Variants in STT3B observed in about 807,000 individuals in gnomAD.
STT3B encodes dolichyl-diphosphooligosaccharide--protein glycosyltransferase subunit STT3B.
Under a neutral mutation model 96.8 loss-of-function variants are expected in STT3B, and 29 were observed. The observed-to-expected ratio is 0.30, with a 90% CI of 0.22 to 0.41. The LOEUF (loss-of-function observed/expected upper bound fraction) is 0.41, where lower values mean the gene tolerates loss of function less well. Among genes scored for constraint, STT3B ranks in the 10% least tolerant of loss-of-function variants. The pLI is 1.00. For missense variants in STT3B, 640 were observed against 1,022.3 expected (o/e 0.63, Z 5.10); for synonymous variants, 367 against 360.0 (o/e 1.02, Z -0.22).
Position 31,617,186 on chromosome 3 carries a change from CTTTTT to C in STT3B, c.1123+122_1123+126del, listed in dbSNP as rs5847707. The C allele has an allele frequency of 4.5e-4, 225 of 495,378 alleles. 1 individual carries two copies. Among genetic ancestry groups the C allele is most frequent in the Non-Finnish European group, 5.7e-4 (182 of 321,582 alleles). The allele number at this position is 495,378 out of a possible 1,614,324, so 30.7% of individuals were successfully genotyped here. A position where few individuals can be genotyped will look rare whatever the true frequency, so the allele number is the denominator to read the frequency against. On this transcript the variant is annotated intron_variant, in intron 7 of 15. Transcript: ENST00000295770. ...AGCATGACTACAAAGTGATTTTTTT[CTTTTT>C]TTTTTTTTTTGAATAGTATATCTTA...
intron 3 of STT3B, among the ~76,000 whole-genome samples, chr3:31,585,447 G>T (rs1698515147): frequency 6.6e-6 from 1 of 152,096 alleles, no homozygotes; most frequent in Admixed American, 6.5e-5. Context: ...AGTAAGAAAT[G>T]AGTACATGTT....
At chr3:31,617,890 A>G in intron 7 of STT3B, 50 bp from the exon 8 acceptor site, 9 of 1,269,096 alleles carry the variant, frequency 7.1e-6, no homozygotes, top group African/African-American at 1.5e-5. Context: ...TAAAAGATTT[A>G]CAAAATAATA....
At chr3:31,544,298 C>T (rs1440893147) in intron 1 of STT3B, among the ~76,000 whole-genome samples, 1 of 152,174 alleles carries the variant, frequency 6.6e-6, no homozygotes, top group Non-Finnish European at 1.5e-5. Flanking sequence ...AATAAAAATA[C>T]TCATTAGGGA....
chr3:31,605,442 G>A (rs1250933531), intron 5 of STT3B, among the ~76,000 whole-genome samples: 1 of 152,070 alleles, frequency 6.6e-6, no homozygotes, highest in Non-Finnish European at 1.5e-5. Context: ...GTTGTGGGAG[G>A]AACCCAGTGG....
intron 1 of STT3B, among the ~76,000 whole-genome samples, chr3:31,566,011 A>C (rs1043316913): frequency 1.3e-5 from 2 of 152,158 alleles, no homozygotes; most frequent in Non-Finnish European, 2.9e-5. Context: ...ATTGTTTTCA[A>C]ATACTTGTTT....
chr3:31,635,742 C>G (rs564292186), intron 15 of STT3B, among the ~76,000 whole-genome samples: 3 of 152,164 alleles, frequency 2.0e-5, no homozygotes, highest in Non-Finnish European at 4.4e-5. Context: ...GCTGAAGATT[C>G]ATTCACTTGA....
intron 1 of STT3B, among the ~76,000 whole-genome samples, chr3:31,563,009 T>A (rs1335525958): frequency 6.6e-6 from 1 of 152,186 alleles, no homozygotes; most frequent in Non-Finnish European, 1.5e-5. Flanking sequence ...GTGGTTCCAG[T>A]GGGAATGTAG....
intron 5 of STT3B, among the ~76,000 whole-genome samples, chr3:31,606,220 A>G (rs1699050837): frequency 6.6e-6 from 1 of 152,232 alleles, no homozygotes; most frequent in Admixed American, 6.5e-5. Flanking sequence ...GCAATAGAAA[A>G]GCAGAACCCA....
At chr3:31,615,644 G>A (rs1325774895) in intron 6 of STT3B, among the ~76,000 whole-genome samples, 1 of 151,818 alleles carries the variant, frequency 6.6e-6, no homozygotes, top group Non-Finnish European at 1.5e-5. Flanking sequence ...GTAGTAATTT[G>A]AGACGCAGAG....
chr3:31,571,105 A>G (rs1354157049), intron 1 of STT3B, among the ~76,000 whole-genome samples: 1 of 152,142 alleles, frequency 6.6e-6, no homozygotes, highest in Admixed American at 6.5e-5. Context: ...GTATTTGTCA[A>G]CTAGGAAGAA....
chr3:31,629,764 G>C (rs1012609374), intron 14 of STT3B, among the ~76,000 whole-genome samples: 2 of 152,146 alleles, frequency 1.3e-5, no homozygotes, highest in African/African-American at 4.8e-5. Flanking sequence ...TTGCTGCTTG[G>C]TGGAGAAAAG....
intron 1 of STT3B, among the ~76,000 whole-genome samples, chr3:31,570,531 G>T (rs1046382484): frequency 6.6e-6 from 1 of 152,156 alleles, no homozygotes; most frequent in African/African-American, 2.4e-5. Context: ...AGAGCCAAGG[G>T]CTGAGGAAAA....
At chr3:31,562,313 A>T (rs1575415283) in intron 1 of STT3B, among the ~76,000 whole-genome samples, 2 of 152,224 alleles carry the variant, frequency 1.3e-5, no homozygotes, top group Middle Eastern at 6.8e-3. Context: ...CCTGCAGGTG[A>T]TGCATGAGTA....
chr3:31,583,558 T>C (rs549641781), intron 3 of STT3B, among the ~76,000 whole-genome samples: 2 of 152,336 alleles, frequency 1.3e-5, no homozygotes, highest in East Asian at 3.9e-4. Flanking sequence ...TGCTCTCTTT[T>C]GGTTACTATT....
chr3:31,549,126 T>G (rs1197674528), intron 1 of STT3B, among the ~76,000 whole-genome samples: 1 of 152,180 alleles, frequency 6.6e-6, no homozygotes, highest in Admixed American at 6.5e-5. Context: ...GCCTGAGGCC[T>G]AAGGCTAAGT....
intron 3 of STT3B, among the ~76,000 whole-genome samples, chr3:31,580,913 CTTTG>C (rs1698369960): frequency 6.7e-6 from 1 of 148,830 alleles, no homozygotes. Context: ...TTTAAAAACT[CTTTG>C]TTTATTGTGT....
chr3:31,601,708 C>T (rs1211516046), intron 5 of STT3B, among the ~76,000 whole-genome samples: 1 of 152,000 alleles, frequency 6.6e-6, no homozygotes, highest in African/African-American at 2.4e-5. Context: ...GTCGCACAAC[C>T]TTGTGAATAC....
intron 1 of STT3B, among the ~76,000 whole-genome samples, chr3:31,563,892 A>C (rs1697939038): frequency 6.6e-6 from 1 of 151,752 alleles, no homozygotes; most frequent in Non-Finnish European, 1.5e-5. Context: ...TGCAACCTCC[A>C]CCTCCCGGGT....
intron 3 of STT3B, among the ~76,000 whole-genome samples, chr3:31,584,238 T>C (rs1244975677): frequency 1.3e-5 from 2 of 152,166 alleles, no homozygotes; most frequent in Non-Finnish European, 2.9e-5. Context: ...AATGTATGAG[T>C]TTATTTCTGG....
Sources: gnomAD v4.1 joint callset for allele counts (sites outside exome capture counted in the v4.1 genomes callset) on GRCh38, gnomAD v4.1.1 for gene constraint, MANE v1.5 for transcripts, NCBI Gene and HGNC (gene_info 2026-07-23, HGNC 2026-07-21) for gene names.